APOB: variants seen among roughly 807,000 people sequenced by gnomAD.
The protein encoded by APOB is apolipoprotein B.
A neutral mutation model predicts 314.1 loss-of-function variants in APOB; 153 were observed. The observed-to-expected ratio is 0.49, with a 90% CI of 0.43 to 0.56. APOB has a LOEUF of 0.56. APOB is among the 20% of genes least tolerant of loss of function. APOB has a pLI of 0.00. For synonymous variants in APOB, 2,087 were observed against 2,036.4 expected, an observed-to-expected ratio of 1.02 and a Z score of -0.67; for missense variants, 5,430 against 5,350.7, an observed-to-expected ratio of 1.01 and a Z score of -0.46.
chr2:21,035,842 T>C (rs1378870144), intron 6 of APOB, 134 bp from the exon 7 acceptor site: 1 of 949,454 alleles, frequency 1.1e-6, no homozygotes, highest in Non-Finnish European at 1.6e-6. Flanking sequence ...AACTGGGTAC[T>C]TGACATTTAG....
chr2:21,011,288 C>T lies in APOB; in HGVS notation c.5580G>A (p.Gln1860=). Residue 1860 remains glutamine (Q), a synonymous_variant, in exon 26 of 29, where the codon CAG becomes CAA. Transcript: ENST00000233242. ...SYKADTVAKV[Q]GVEFSHRLNT... ...TGAGCCGATGGCTAAACTCCACACCCTGAACCTTAGCAACAGTGTCTGCTT... is the reference window on the plus strand; with the variant it reads ...TGAGCCGATGGCTAAACTCCACACCTTGAACCTTAGCAACAGTGTCTGCTT... 2 of 1,614,230 alleles carry T rather than the reference C, an allele frequency of 1.2e-6. No individual in the cohort carries two copies. Among genetic ancestry groups the T allele is most frequent in the Non-Finnish European group, 1.7e-6 (2 of 1,180,036 alleles).
chr2:21,009,232 G>T lies in APOB; in HGVS notation c.7636C>A (p.Leu2546Ile), dbSNP rs1663238001. The T allele has an allele frequency of 6.2e-7, 1 of 1,613,996 alleles. No individual in the cohort carries two copies. ...CACCAATCAGAAATGTAGGTGACAAGTGTGCTATAAACCTGGCCTACCAGA... is the reference window on the plus strand; with the variant it reads ...CACCAATCAGAAATGTAGGTGACAATTGTGCTATAAACCTGGCCTACCAGA... ...LSLVGQVYST[L>I]VTYISDWWTL... The change falls in exon 26 of 29, where the codon CTT becomes ATT. Residue 2546 changes from leucine (L) to isoleucine (I), a missense_variant. Leu to Ile is a conservative substitution (Grantham distance 5). Coordinates refer to ENST00000233242, the MANE Select transcript of APOB (RefSeq NM_000384.3).
rs769762031 is a variant in APOB, at chr2:21,007,218, T to C, written c.9650A>G (p.Asp3217Gly). ...HFEKNRNNAL[D>G]FVTKSYNETK... ...TTCATTATAGGATTTGGTGACAAAA[T>C]CTAATGCATTGTTTCTGTTTTTTTC... The change falls in exon 26 of 29, where the codon GAT (aspartate) becomes GGT (glycine). Residue 3217 changes from aspartate (D) to glycine (G), a missense_variant. Around this residue, in one of 3 missense-constraint regions of APOB, gnomAD observed 3,281 missense variants for 3,171.0 expected, o/e 1.03. Transcript: ENST00000233242. The C allele has an allele frequency of 6.2e-7, 1 of 1,613,792 alleles. No homozygotes were observed. The highest frequency in any genetic ancestry group is 1.1e-5 in the South Asian group (1 of 91,060).
In APOB at chr2:21,029,224, C is replaced by T. The variant is rs182312395; in HGVS notation, c.1617+415G>A. On this transcript the variant is annotated intron_variant, in intron 12 of 28. Transcript: ENST00000233242. ...CAGCACTTTGCAAGGCTGAGGCAGG[C>T]GGATCACCTGAGGTCAGGAGCTCAA... is the stretch of plus-strand genomic sequence containing the variant. 1.6e-3 allele frequency among the ~76,000 whole-genome samples: 248 copies of T among 152,242 alleles called. 3 individuals are homozygous for T. Among genetic ancestry groups the T allele is most frequent in the African/African-American group, 5.8e-3 (241 of 41,544 alleles).
rs762264516 is a variant in APOB, at chr2:21,010,702, C to A, written c.6166G>T (p.Ala2056Ser). 6.2e-7 allele frequency: 1 copy of A among 1,613,954 alleles called. No individual in the cohort carries two copies. The highest frequency in any genetic ancestry group is 8.5e-7 in the Non-Finnish European group (1 of 1,179,952). Residue 2056 changes from alanine to serine, a missense_variant, in exon 26 of 29, where the codon GCT becomes TCT. This residue lies in a region of APOB where 3,281 missense variants were observed against 3,171.0 expected (regional missense o/e 1.03). Coordinates refer to ENST00000233242, the MANE Select transcript of APOB (RefSeq NM_000384.3). ...VEKPQEFTIV[A>S]FVKYDKNQDV... ...TGGTTTTTATCATACTTTACAAAAG[C>A]AACAATTGTAAATTCTTGGGGCTTC... is the stretch of plus-strand genomic sequence containing the variant.
At position 21,027,111 on chromosome 2, in the gene APOB, C is replaced by G. The variant is rs1663750055; in HGVS notation, c.2068-147G>C. ...TGACCTTAGCATTTCACAGGAGCTG[C>G]TTTATTAAAATCTCACTAGAATCTT... On this transcript the variant is annotated intron_variant, in intron 14 of 28. Transcript: ENST00000233242. The G allele has an allele frequency of 3.9e-6, 3 of 764,514 alleles. No homozygotes were observed. In the South Asian group the frequency reaches 4.7e-5, roughly 12 times the overall value. The allele number at this position is 764,514 out of a possible 1,614,324, so 47.4% of individuals were successfully genotyped here. A position where few individuals can be genotyped will look rare whatever the true frequency, so the allele number is the denominator to read the frequency against.
chr2:21,013,561 C>G, intron 24 of APOB, 28 bp from the exon 25 acceptor site: 1 of 1,613,620 alleles, frequency 6.2e-7, no homozygotes, highest in Non-Finnish European at 8.5e-7. Flanking sequence ...GATAACATCC[C>G]CACAGTCAGA....
rs1325443043 is a variant in APOB at position 21,026,848 on chromosome 2, A to G, written c.2184T>C (p.Asp728=). 4 of 1,614,120 alleles carry G rather than the reference A, an allele frequency of 2.5e-6. No individual in the cohort carries two copies. The highest frequency in any genetic ancestry group is 3.4e-6 in the Non-Finnish European group (4 of 1,179,942). The stretch of plus-strand genomic sequence containing the variant: ...GGTCCACTAAGACCTTAGAGACACC[A>G]TCAGGAACTTGACCATTAACCCAGT... ...ALYWVNGQVP[D]GVSKVLVDHF... The change falls in exon 15 of 29, where the codon GAT becomes GAC. Residue 728 remains aspartate (D), a synonymous_variant. Transcript: ENST00000233242.
chr2:21,016,780 C>G (rs536068219), intron 20 of APOB, 131 bp from the exon 21 acceptor site: 77 of 703,280 alleles, frequency 1.1e-4, no homozygotes, highest in African/African-American at 9.5e-4. Flanking sequence ...GTCAGGAGAT[C>G]AAGACCATTC....
At chr2:21,035,434 G>C in intron 7 of APOB, 150 bp downstream of exon 7, 1 of 1,009,276 alleles carries the variant, frequency 9.9e-7, no homozygotes, top group Non-Finnish European at 1.5e-6. Flanking sequence ...TGGCCTGTTC[G>C]CTTAAAAAGG....
rs375846583 is a variant in APOB at position 21,032,342 on chromosome 2, G to A, written c.1352+12C>T. 3.7e-6 allele frequency: 6 copies of A among 1,609,296 alleles called. No individual in the cohort carries two copies. Among genetic ancestry groups the A allele is most frequent in the African/African-American group, 1.3e-5 (1 of 74,878 alleles). On this transcript the variant is annotated intron_variant, in intron 10 of 28. Transcript: ENST00000233242. ...CTGCTCCTAGGAGGAGAAATACAGT[G>A]TGGAAACTCACTTGTTGACCGCGTG...
In APOB at chr2:21,006,982, T is replaced by A. The variant is rs746574336; in HGVS notation, c.9886A>T (p.Thr3296Ser). The A allele has an allele frequency of 6.2e-7, 1 of 1,614,052 alleles. No homozygotes were observed. The highest frequency in any genetic ancestry group is 1.1e-5 in the South Asian group (1 of 91,080). The change falls in exon 26 of 29, where the codon ACA (threonine) becomes TCA (serine). Residue 3296 changes from threonine (T) to serine (S), a missense_variant. Around this residue, in one of 3 missense-constraint regions of APOB, gnomAD observed 3,281 missense variants for 3,171.0 expected, o/e 1.03. Coordinates refer to ENST00000233242, the MANE Select transcript of APOB (RefSeq NM_000384.3). ...AGCTCTAATGATGGCAGGATTAATG[T>A]GTATGAAGGCACACGGACGTCAGAA... Reference protein sequence around the residue: ...LGSDVRVPSYTLILPSLELPV... With the variant: ...LGSDVRVPSYSLILPSLELPV...
Position 21,026,851 on chromosome 2 carries a change from A to G in APOB, c.2181T>C (p.Pro727=). 6.8e-6 allele frequency: 11 copies of G among 1,614,140 alleles called. No homozygotes were observed. The highest frequency in any genetic ancestry group is 9.3e-6 in the Non-Finnish European group (11 of 1,179,962). Residue 727 remains proline (P), a synonymous_variant, in exon 15 of 29, where the codon CCT becomes CCC. Coordinates refer to ENST00000233242, the MANE Select transcript of APOB (RefSeq NM_000384.3). The part of the protein sequence containing the change: ...KALYWVNGQV[P]DGVSKVLVDH... ...CCACTAAGACCTTAGAGACACCATC[A>G]GGAACTTGACCATTAACCCAGTACA...
At chr2:21,030,841 A>G (rs535576071) in intron 10 of APOB, among the ~76,000 whole-genome samples, 9 of 152,356 alleles carry the variant, frequency 5.9e-5, no homozygotes, top group Non-Finnish European at 1.2e-4. Context: ...GGCAATAGGC[A>G]TATGAAAAAA....
chr2:21,013,904 C>G (rs1397622328), intron 24 of APOB, among the ~76,000 whole-genome samples: 1 of 152,214 alleles, frequency 6.6e-6, no homozygotes, highest in Admixed American at 6.5e-5. Flanking sequence ...AAAGAAAAGG[C>G]TATACCTTAC....
rs1326403277 is a variant in APOB at position 21,011,852 on chromosome 2, A to C, written c.5016T>G (p.Asn1672Lys). 6.2e-7 allele frequency: 1 copy of C among 1,613,874 alleles called. No homozygotes were observed. Among genetic ancestry groups the C allele is most frequent in the Non-Finnish European group, 8.5e-7 (1 of 1,179,974 alleles). The change falls in exon 26 of 29, where the codon AAT (asparagine) becomes AAG (lysine). Residue 1672 changes from asparagine (N) to lysine (K), a missense_variant. Transcript: ENST00000233242. ...ATGCCCCAGAGAGGCCAAGCTCTGC[A>C]TTCAGCTCATTCTCCAGCACCAGGA... is the stretch of plus-strand genomic sequence containing the variant. ...CSLLVLENELNAELGLSGASM... is the reference protein window; with the variant it reads ...CSLLVLENELKAELGLSGASM...
chr2:21,013,585 A>G, intron 24 of APOB, 52 bp from the exon 25 acceptor site: 1 of 1,612,228 alleles, frequency 6.2e-7, no homozygotes, highest in Non-Finnish European at 8.5e-7. Flanking sequence ...CAGTCATTCA[A>G]AGTTCTCTGC....
rs1242135435 is a variant in APOB at position 21,003,027 on chromosome 2, T to C, written c.12395A>G (p.Lys4132Arg). 1 of 1,568,556 alleles carries C rather than the reference T, an allele frequency of 6.4e-7. No homozygotes were observed. Among genetic ancestry groups the C allele is most frequent in the Non-Finnish European group, 8.6e-7 (1 of 1,157,392 alleles). Residue 4132 changes from lysine to arginine, a missense_variant, in exon 29 of 29, where the codon AAA becomes AGA. Lys to Arg is a conservative substitution (Grantham distance 26, BLOSUM62 2). This residue lies in a region of APOB where 3,281 missense variants were observed against 3,171.0 expected (regional missense o/e 1.03). Transcript: ENST00000233242. ...GGTCCCAGTGGTGCCACTGGCTGCT[T>C]TCTGGAACCTCACGTCGATATCATC... is the stretch of plus-strand genomic sequence containing the variant. The part of the protein sequence containing the change: ...QIDDIDVRFQ[K>R]AASGTTGTYQ...
At chr2:21,037,350 A>G (rs1478886783) in intron 5 of APOB, 95 bp from the exon 6 acceptor site, 1 of 1,318,948 alleles carries the variant, frequency 7.6e-7, no homozygotes, top group Non-Finnish European at 1.1e-6. Context: ...AAGAAAAAGC[A>G]GAAGGAATCT....
Sources: gnomAD v4.1 joint callset for allele counts (sites outside exome capture counted in the v4.1 genomes callset) on GRCh38, gnomAD v4.1.1 for gene constraint, gnomAD v4.1.1 regional missense constraint, MANE v1.5 for transcripts, NCBI Gene and HGNC (gene_info 2026-07-23, HGNC 2026-07-21) for gene names.